XPO4: variants seen among roughly 807,000 people sequenced by gnomAD.
The protein encoded by XPO4 is exportin-4.
A neutral mutation model predicts 143.0 loss-of-function variants in XPO4; 39 were observed. The ratio of observed to expected loss-of-function variants is 0.27; its 90% CI spans 0.21 to 0.36. XPO4 has a LOEUF of 0.36. Ranked by LOEUF, XPO4 falls within the 10% of genes least tolerant of loss-of-function variation. The probability of loss-of-function intolerance (pLI) is 1.00; values close to 1 mark genes in which losing one functional copy is unlikely to be tolerated. For synonymous variants in XPO4, 439 were observed against 474.0 expected (o/e 0.93, Z 0.96); for missense variants, 907 against 1,348.0 (o/e 0.67, Z 5.12).
intron 4 of XPO4, among the ~76,000 whole-genome samples, chr13:20,850,607 A>T (rs939131504): frequency 6.6e-6 from 1 of 152,106 alleles, no homozygotes; most frequent in Non-Finnish European, 1.5e-5. Flanking sequence ...TTACAAAAAA[A>T]TTTTAAAATT....
At chr13:20,791,165 A>T (rs1001593272) in intron 18 of XPO4, among the ~76,000 whole-genome samples, 16 of 152,116 alleles carry the variant, frequency 1.1e-4, no homozygotes, top group African/African-American at 3.4e-4. Context: ...ATAAATTAAC[A>T]TCTCTAAACA....
intron 6 of XPO4, among the ~76,000 whole-genome samples, chr13:20,839,648 C>A (rs1451557955): frequency 2.6e-5 from 4 of 151,826 alleles, no homozygotes; most frequent in Middle Eastern, 3.4e-3. Flanking sequence ...GCCAGCCTAG[C>A]CAACACAGCA....
intron 4 of XPO4, among the ~76,000 whole-genome samples, 169 bp from the exon 5 acceptor site, chr13:20,844,055 T>C (rs770605413): frequency 1.3e-4 from 20 of 152,204 alleles, no homozygotes; most frequent in Non-Finnish European, 2.8e-4. Context: ...AAAATAAATA[T>C]TAGCTCTCCT....
chr13:20,848,974 T>C, intron 4 of XPO4: 9 of 985,446 alleles, frequency 9.1e-6, no homozygotes, highest in Non-Finnish European at 1.1e-5. Context: ...TTGAAAGTCT[T>C]AGACCAGCAT....
intron 3 of XPO4, chr13:20,857,915 TAAAA>T (rs1299672511): frequency 1.0e-5 from 10 of 984,824 alleles, no homozygotes; most frequent in Non-Finnish European, 1.2e-5. Flanking sequence ...GAGGAAAAAA[TAAAA>T]AAGAAAAAAT....
chr13:20,865,646 A>G (rs750110701), intron 2 of XPO4: 62 of 936,210 alleles, frequency 6.6e-5, no homozygotes, highest in Middle Eastern at 5.4e-4. Flanking sequence ...GTTAAAGTTA[A>G]TAATACAGGA....
In XPO4 at chr13:20,821,216, G is replaced by C. The variant is rs1004573226; in HGVS notation, c.1173+488C>G. Among the ~76,000 whole-genome samples the C allele has an allele frequency of 3.3e-5, 5 of 151,554 alleles. No individual in the cohort carries two copies. The East Asian group carries it at 9.7e-4, about 29-fold the overall frequency. On this transcript the variant is annotated intron_variant, in intron 9 of 22. Coordinates refer to ENST00000255305, the MANE Select transcript of XPO4 (RefSeq NM_022459.5). ...TAAAGCATTATCATCCAAAAAATTAGAGAGCACAGTCTAACCAAAATAAGC... is the reference window on the plus strand; with the variant it reads ...TAAAGCATTATCATCCAAAAAATTACAGAGCACAGTCTAACCAAAATAAGC...
At chr13:20,875,733 A>G (rs531437591) in intron 1 of XPO4, among the ~76,000 whole-genome samples, 3 of 152,148 alleles carry the variant, frequency 2.0e-5, no homozygotes, top group Admixed American at 6.6e-5. Flanking sequence ...AACCAGAAAG[A>G]CCTGGTTTCT....
At chr13:20,790,316 C>A (rs2059264294) in intron 19 of XPO4, 146 bp downstream of exon 19, 1 of 654,538 alleles carries the variant, frequency 1.5e-6, no homozygotes, top group Non-Finnish European at 2.7e-6. Flanking sequence ...GCACAAGTAA[C>A]CGTTAATGAA....
At chr13:20,885,057 G>A (rs1332226786) in intron 1 of XPO4, among the ~76,000 whole-genome samples, 1 of 151,770 alleles carries the variant, frequency 6.6e-6, no homozygotes, top group African/African-American at 2.4e-5. Flanking sequence ...TCCACCTCCC[G>A]GGTTCAAGCC....
chr13:20,833,295 C>A (rs964251903), intron 6 of XPO4, among the ~76,000 whole-genome samples: 1 of 152,150 alleles, frequency 6.6e-6, no homozygotes, highest in East Asian at 1.9e-4. Flanking sequence ...CACGGAGCTT[C>A]GCGCAGTAGG....
chr13:20,826,390 C>T (rs2059786094), intron 7 of XPO4, among the ~76,000 whole-genome samples: 1 of 152,124 alleles, frequency 6.6e-6, no homozygotes, highest in Admixed American at 6.5e-5. Flanking sequence ...CCCAGGGATC[C>T]CTGAAGCTTT....
intron 1 of XPO4, among the ~76,000 whole-genome samples, chr13:20,883,804 G>A (rs1213528078): frequency 6.6e-6 from 1 of 152,174 alleles, no homozygotes; most frequent in Non-Finnish European, 1.5e-5. Context: ...TTTTGCTCTT[G>A]TTGCCCAGGA....
chr13:20,860,643 C>T (rs1033663547), intron 3 of XPO4, among the ~76,000 whole-genome samples: 1 of 152,132 alleles, frequency 6.6e-6, no homozygotes, highest in Non-Finnish European at 1.5e-5. Flanking sequence ...ACAAACAGTC[C>T]TGTCAGGTCT....
intron 18 of XPO4, 30 bp downstream of exon 18, chr13:20,796,046 A>C: frequency 6.4e-7 from 1 of 1,572,424 alleles, no homozygotes; most frequent in Admixed American, 1.8e-5. Flanking sequence ...GATAACAACA[A>C]AGTTTAAAAA....
intron 9 of XPO4, 50 bp downstream of exon 9, chr13:20,821,654 C>T: frequency 6.4e-7 from 1 of 1,555,414 alleles, no homozygotes. Flanking sequence ...AAAGGCACCG[C>T]AAATTTCCTT....
At chr13:20,797,660 C>T (rs1340879675) in intron 16 of XPO4, among the ~76,000 whole-genome samples, 1 of 152,130 alleles carries the variant, frequency 6.6e-6, no homozygotes, top group South Asian at 2.1e-4. Flanking sequence ...TGCCTAATTC[C>T]ATTACTGTGC....
rs1329206713 is a variant in XPO4, at chr13:20,783,494, G to C, written c.*228C>G. On this transcript the variant is annotated 3_prime_UTR_variant, in exon 23 of 23. Coordinates refer to ENST00000255305, the MANE Select transcript of XPO4 (RefSeq NM_022459.5). ...TTTGAAAATTTTAAATCACCATTCA[G>C]AATCTAAAAGACATATATATGACAG... The C allele has an allele frequency of 7.4e-6, 4 of 544,188 alleles. No homozygotes were observed. The highest frequency in any genetic ancestry group is 1.3e-5 in the Non-Finnish European group (4 of 307,644). The allele number at this position is 544,188 out of a possible 1,614,324, so 33.7% of individuals were successfully genotyped here. A position where few individuals can be genotyped will look rare whatever the true frequency, so the allele number is the denominator to read the frequency against.
intron 1 of XPO4, among the ~76,000 whole-genome samples, chr13:20,880,419 C>T (rs970883642): frequency 1.7e-4 from 26 of 149,574 alleles, no homozygotes; most frequent in African/African-American, 5.2e-4. Flanking sequence ...GCGACAAGAG[C>T]GAGACTCCGT....
Sources: allele counts gnomAD v4.1 joint callset (sites outside exome capture counted in the v4.1 genomes callset), GRCh38; gene constraint gnomAD v4.1.1; transcripts MANE v1.5; gene names NCBI Gene and HGNC (gene_info 2026-07-23, HGNC 2026-07-21).